Variants in SYNE2 observed in about 807,000 individuals in gnomAD.
SYNE2 encodes nesprin-2.
SYNE2 carries 431 observed loss-of-function variants against 856.3 expected under a neutral mutation model. That is an observed-to-expected ratio of 0.50 (90% CI 0.47 to 0.55). The LOEUF is 0.55. Among genes scored for constraint, SYNE2 ranks in the 20% least tolerant of loss-of-function variants. The probability of loss-of-function intolerance (pLI) is 0.00; values close to 1 mark genes in which losing one functional copy is unlikely to be tolerated. For missense variants in SYNE2, 8,129 were observed against 8,023.2 expected, an observed-to-expected ratio of 1.01 and a Z score of -0.50; for synonymous variants, 2,923 against 2,872.3, an observed-to-expected ratio of 1.02 and a Z score of -0.56.
intron 1 of SYNE2, among the ~76,000 whole-genome samples, chr14:63,829,751 G>A (rs1007131185): frequency 6.6e-6 from 1 of 152,026 alleles, no homozygotes; most frequent in African/African-American, 2.4e-5. Context: ...CTCCCAAATA[G>A]CTGGGACTAC....
intron 1 of SYNE2, among the ~76,000 whole-genome samples, chr14:63,762,815 A>T (rs1886539259): frequency 6.6e-6 from 1 of 151,940 alleles, no homozygotes; most frequent in Non-Finnish European, 1.5e-5. Flanking sequence ...CTTACTTTCA[A>T]ATGGTTCAGA....
chr14:63,784,821 TATAA>T (rs1887452991), intron 1 of SYNE2, among the ~76,000 whole-genome samples: 1 of 151,728 alleles, frequency 6.6e-6, no homozygotes, highest in Non-Finnish European at 1.5e-5. Context: ...AATAAAAATA[TATAA>T]ATAAATAAGT....
intron 2 of SYNE2, among the ~76,000 whole-genome samples, chr14:63,931,897 A>T (rs1008633865): frequency 1.3e-5 from 2 of 152,208 alleles, no homozygotes; most frequent in South Asian, 4.1e-4. Flanking sequence ...AGCTGGGTCT[A>T]TAGGCATTTA....
intron 102 of SYNE2, 52 bp from the exon 103 acceptor site, chr14:64,209,890 G>A (rs964257488): frequency 1.2e-6 from 2 of 1,611,786 alleles, no homozygotes; most frequent in African/African-American, 2.7e-5. Flanking sequence ...AGGGAAGGAG[G>A]GCGTCCTGGC....
At chr14:64,028,246 A>T (rs2096997865) in intron 43 of SYNE2, among the ~76,000 whole-genome samples, 1 of 151,150 alleles carries the variant, frequency 6.6e-6, no homozygotes, top group South Asian at 2.1e-4. Context: ...AATTTGATTG[A>T]TCCTGTTTAT....
chr14:64,040,901 C>T (rs1206999591), intron 45 of SYNE2, among the ~76,000 whole-genome samples: 1 of 151,796 alleles, frequency 6.6e-6, no homozygotes, highest in Non-Finnish European at 1.5e-5. Context: ...AAAATAAATT[C>T]TTATCTAAAT....
intron 71 of SYNE2, among the ~76,000 whole-genome samples, chr14:64,125,946 T>A (rs2097940803): frequency 1.3e-5 from 2 of 152,206 alleles, no homozygotes; most frequent in African/African-American, 4.8e-5. Flanking sequence ...CCAGCTATAC[T>A]TGATTTCATT....
intron 96 of SYNE2, among the ~76,000 whole-genome samples, chr14:64,185,774 G>A (rs1163810511): frequency 3.3e-5 from 5 of 152,052 alleles, no homozygotes; most frequent in African/African-American, 1.2e-4. Flanking sequence ...GTCCACCTTG[G>A]GCTTCCAAAG....
chr14:63,927,323 G>C (rs1337444299), intron 2 of SYNE2, among the ~76,000 whole-genome samples: 2 of 152,076 alleles, frequency 1.3e-5, no homozygotes, highest in Admixed American at 6.5e-5. Flanking sequence ...TGAGGCAGGA[G>C]GATAACTTGA....
Position 64,074,113 on chromosome 14 carries a change from C to T in SYNE2, c.10843C>T (p.Pro3615Ser). 6.2e-7 allele frequency: 1 copy of T among 1,614,078 alleles called. No individual in the cohort carries two copies. Among genetic ancestry groups the T allele is most frequent in the Non-Finnish European group, 8.5e-7 (1 of 1,180,006 alleles). The change falls in exon 53 of 116, where the codon CCA (proline) becomes TCA (serine). Residue 3615 changes from proline to serine, a missense_variant. Pro to Ser is a moderately conservative substitution (Grantham distance 74, BLOSUM62 -1). Around this residue, in one of 3 missense-constraint regions of SYNE2, gnomAD observed 5,410 missense variants for 5,284.8 expected, o/e 1.02. Coordinates refer to ENST00000555002, the MANE Select transcript of SYNE2 (RefSeq NM_182914.3). ...SFQNMAFQDH[P>S]EKSEQFEELQ... Reference sequence around the variant, plus strand: ...CCAAAATATGGCATTCCAGGATCACCCAGAAAAGTCAGAACAATTTGAGGT... The same window carrying T: ...CCAAAATATGGCATTCCAGGATCACTCAGAAAAGTCAGAACAATTTGAGGT...
rs1362104612 is a variant in SYNE2 at position 64,122,116 on chromosome 14, T to G, written c.13263T>G (p.Thr4421=). The change falls in exon 69 of 116, where the codon ACT becomes ACG. Residue 4421 remains threonine (T), a synonymous_variant. Coordinates refer to ENST00000555002, the MANE Select transcript of SYNE2 (RefSeq NM_182914.3). ...PQYCQHDNDT[T]QESSASNQAS... is the part of the protein sequence containing the mutation. Reference sequence around the variant, plus strand: ...ATTGCCAACATGATAACGATACAACTCAGGAATCATCTGCAAGGTAAAACA... The same window carrying G: ...ATTGCCAACATGATAACGATACAACGCAGGAATCATCTGCAAGGTAAAACA... 1 of 1,614,148 alleles carries G rather than the reference T, an allele frequency of 6.2e-7. No homozygotes were observed.
At chr14:64,217,828 CATTT>C (rs955308580) in intron 108 of SYNE2, among the ~76,000 whole-genome samples, 21 of 152,160 alleles carry the variant, frequency 1.4e-4, no homozygotes, top group Non-Finnish European at 2.6e-4. Context: ...AAAAGGGACA[CATTT>C]ATTTTTGGAG....
intron 100 of SYNE2, among the ~76,000 whole-genome samples, chr14:64,205,465 A>C (rs1239134599): frequency 1.3e-5 from 2 of 152,200 alleles, no homozygotes; most frequent in Non-Finnish European, 2.9e-5. Context: ...ACCTATGTTT[A>C]CTTTTCAAAC....
chr14:63,898,620 G>A (rs1430218201), intron 1 of SYNE2, among the ~76,000 whole-genome samples: 1 of 152,048 alleles, frequency 6.6e-6, no homozygotes, highest in East Asian at 1.9e-4. Context: ...GCCCAGGCTG[G>A]TCTCGAACTC....
chr14:64,212,640 A>T (rs2098647257), intron 104 of SYNE2, among the ~76,000 whole-genome samples, 171 bp from the exon 105 acceptor site: 1 of 152,230 alleles, frequency 6.6e-6, no homozygotes, highest in Non-Finnish European at 1.5e-5. Context: ...AATCACTTAA[A>T]ATTCTTAAAA....
At chr14:63,916,074 G>T (rs1211150273) in intron 2 of SYNE2, among the ~76,000 whole-genome samples, 2 of 152,110 alleles carry the variant, frequency 1.3e-5, no homozygotes, top group Non-Finnish European at 2.9e-5. Flanking sequence ...GCTTTTGCTT[G>T]TTGATGTCAT....
intron 61 of SYNE2, among the ~76,000 whole-genome samples, chr14:64,095,391 T>C (rs1196919058): frequency 1.3e-5 from 2 of 152,246 alleles, no homozygotes; most frequent in Admixed American, 6.5e-5. Flanking sequence ...TGGCCTACTT[T>C]GTACTTCGAA....
chr14:63,987,080 C>T (rs1431187898), intron 19 of SYNE2, among the ~76,000 whole-genome samples: 7 of 151,998 alleles, frequency 4.6e-5, no homozygotes, highest in African/African-American at 9.7e-5. Context: ...GGTGAAATCC[C>T]GTCTCTACTG....
At chr14:64,221,812 G>A (rs2098695592) in intron 112 of SYNE2, 108 bp downstream of exon 112, 2 of 1,350,274 alleles carry the variant, frequency 1.5e-6, no homozygotes, top group East Asian at 4.6e-5. Context: ...TGCCAGTGGT[G>A]TTTGCCTGTA....
Sources: gnomAD v4.1 joint callset for allele counts (sites outside exome capture counted in the v4.1 genomes callset) on GRCh38, gnomAD v4.1.1 for gene constraint, gnomAD v4.1.1 regional missense constraint, MANE v1.5 for transcripts, NCBI Gene and HGNC (gene_info 2026-07-23, HGNC 2026-07-21) for gene names.